CLCA2: variants seen among roughly 807,000 people sequenced by gnomAD.
CLCA2 encodes the protein chloride channel accessory 2.
Under a neutral mutation model 82.9 loss-of-function variants are expected in CLCA2, and 85 were observed. That is an observed-to-expected ratio of 1.03 (90% CI 0.86 to 1.23). The LOEUF (loss-of-function observed/expected upper bound fraction) is 1.23. Ranked by LOEUF, CLCA2 falls within the 50% of genes most tolerant of loss-of-function variation. The pLI is 0.00. For missense variants in CLCA2, 1,089 were observed against 1,124.8 expected (o/e 0.97, Z 0.45); for synonymous variants, 421 against 391.7 (o/e 1.07, Z -0.88).
chr1:86,435,010 G>T (rs1662576697), intron 6 of CLCA2, among the ~76,000 whole-genome samples: 1 of 152,114 alleles, frequency 6.6e-6, no homozygotes, highest in South Asian at 2.1e-4. Flanking sequence ...GCTCACTGCA[G>T]CCTCGACCTC....
chr1:86,434,013 C>A (rs1022736694), intron 5 of CLCA2, among the ~76,000 whole-genome samples: 1 of 150,816 alleles, frequency 6.6e-6, no homozygotes, highest in African/African-American at 2.4e-5. Flanking sequence ...GGTGGGGGAT[C>A]AGGAAGTAAA....
Position 86,447,836 on chromosome 1 carries a change from C to T in CLCA2, c.1984+58C>T, listed in dbSNP as rs529708545. 5.6e-5 allele frequency: 85 copies of T among 1,511,972 alleles called. 1 individual carries two copies. The East Asian group carries it at 1.6e-3, about 29-fold the overall frequency. 93.7% of individuals were successfully genotyped at this position (1,511,972 alleles called of 1,614,324 possible). A position where few individuals can be genotyped will look rare whatever the true frequency, so the allele number is the denominator to read the frequency against. On this transcript the variant is annotated intron_variant, in intron 11 of 13. Transcript: ENST00000370565. ...TCTCAACAGCTGTTGTGATATGATG[C>T]GGTAGTATCAATATTAAGCTTATCT...
In CLCA2 at chr1:86,456,515, T is replaced by A. The variant is rs889599477; in HGVS notation, c.*988T>A. The A allele has an allele frequency of 7.9e-5, 12 of 152,232 alleles. No individual in the cohort carries two copies. Among genetic ancestry groups the A allele is most frequent in the Admixed American group, 4.6e-4 (7 of 15,274 alleles). 9.4% of individuals were successfully genotyped at this position (152,232 alleles called of 1,614,324 possible). A position where few individuals can be genotyped will look rare whatever the true frequency, so the allele number is the denominator to read the frequency against. ...ATTTTACTCCTTCCTCTTATTTTTT[T>A]AAAAGATTATCGAACAATAAAATCA... On this transcript the variant is annotated 3_prime_UTR_variant, in exon 14 of 14. Transcript: ENST00000370565.
At position 86,424,462 on chromosome 1, in the gene CLCA2, G is replaced by A. The variant is rs879141175; in HGVS notation, c.186+29G>A. 3.2e-6 allele frequency: 5 copies of A among 1,580,628 alleles called. No homozygotes were observed. In the Admixed American group the frequency reaches 6.9e-5, roughly 22 times the overall value. ...AGTGGAAATTATGAAATTGATACTA[G>A]CATCCCATTTGATCAGACCTGTAGC... On this transcript the variant is annotated intron_variant, in intron 1 of 13. Transcript: ENST00000370565.
At chr1:86,442,956 C>T (rs1349908450) in intron 9 of CLCA2, among the ~76,000 whole-genome samples, 1 of 152,090 alleles carries the variant, frequency 6.6e-6, no homozygotes, top group Non-Finnish European at 1.5e-5. Context: ...AGCATGGGGC[C>T]AGGCATACGT....
At chr1:86,452,473 C>A (rs542205447) in intron 12 of CLCA2, among the ~76,000 whole-genome samples, 3 of 152,254 alleles carry the variant, frequency 2.0e-5, no homozygotes, top group East Asian at 1.9e-4. Context: ...TTCTTCCCTG[C>A]AGCATGTAAC....
chr1:86,436,215 G>T (rs1359301991), intron 6 of CLCA2, among the ~76,000 whole-genome samples: 1 of 152,162 alleles, frequency 6.6e-6, no homozygotes, highest in South Asian at 2.1e-4. Flanking sequence ...CTGTATGGAT[G>T]TGCTACTACA....
rs1304690644 is a variant in CLCA2 at position 86,431,020 on chromosome 1, T to C, written c.584+50T>C. The C allele has an allele frequency of 4.4e-6, 6 of 1,360,458 alleles. No homozygotes were observed. In the East Asian group the frequency reaches 7.1e-5, roughly 16 times the overall value. The allele number at this position is 1,360,458 out of a possible 1,614,324, so 84.3% of individuals were successfully genotyped here. A position where few individuals can be genotyped will look rare whatever the true frequency, so the allele number is the denominator to read the frequency against. ...ATTCATTATTTATTTGACTCTAAAA[T>C]TGCTTATAACTTAAGCAATTAAATA... On this transcript the variant is annotated intron_variant, in intron 4 of 13. Transcript: ENST00000370565.
At chr1:86,439,618 T>C (rs2101701265) in intron 7 of CLCA2, among the ~76,000 whole-genome samples, 1 of 152,294 alleles carries the variant, frequency 6.6e-6, no homozygotes, top group Non-Finnish European at 1.5e-5. Context: ...GGGATGCTTA[T>C]CTGATAGCAA....
At chr1:86,432,768 C>T (rs972379235) in intron 5 of CLCA2, among the ~76,000 whole-genome samples, 2 of 151,842 alleles carry the variant, frequency 1.3e-5, no homozygotes, top group African/African-American at 4.8e-5. Context: ...ACTCTGGGGA[C>T]CACAAAATAA....
chr1:86,453,970 C>T (rs572245323), intron 13 of CLCA2, among the ~76,000 whole-genome samples: 1 of 152,256 alleles, frequency 6.6e-6, no homozygotes, highest in East Asian at 1.9e-4. Flanking sequence ...TATCAGTAGG[C>T]TTTGGGGAAT....
At position 86,428,560 on chromosome 1, in the gene CLCA2, G is replaced by A; in HGVS notation, c.467G>A (p.Gly156Glu). 1 of 1,613,030 alleles carries A rather than the reference G, an allele frequency of 6.2e-7. No homozygotes were observed. Among genetic ancestry groups the A allele is most frequent in the Non-Finnish European group, 8.5e-7 (1 of 1,179,402 alleles). The stretch of plus-strand genomic sequence containing the variant: ...AATGATAACTTAACAGCTGGCTACG[G>A]ATCACGAGGTAAGTGGGACCAATAA... ...LLNDNLTAGY[G>E]SRGRVFVHEW... The change falls in exon 3 of 14, where the codon GGA becomes GAA. Residue 156 changes from glycine to glutamate, a missense_variant. Gly to Glu is a moderately conservative substitution (Grantham distance 98). Transcript: ENST00000370565.
At chr1:86,427,575 A>AC (rs1558100286) in intron 2 of CLCA2, among the ~76,000 whole-genome samples, 34 of 127,546 alleles carry the variant, frequency 2.7e-4, no homozygotes, top group African/African-American at 8.9e-4. Flanking sequence ...CACACACACA[A>AC]AACACATATA....
At chr1:86,442,600 A>C (rs917068703) in intron 9 of CLCA2, among the ~76,000 whole-genome samples, 4 of 152,204 alleles carry the variant, frequency 2.6e-5, no homozygotes, top group Admixed American at 2.0e-4. Context: ...ATATTTCTTA[A>C]ATTCATTTGA....
At chr1:86,429,605 G>C (rs1662454511) in intron 3 of CLCA2, among the ~76,000 whole-genome samples, 2 of 152,176 alleles carry the variant, frequency 1.3e-5, no homozygotes, top group South Asian at 4.1e-4. Flanking sequence ...CTAGAGACTG[G>C]TATTTAGTGA....
At chr1:86,450,483 T>G in intron 11 of CLCA2, 80 bp from the exon 12 acceptor site, 4 of 1,097,818 alleles carry the variant, frequency 3.6e-6, no homozygotes, top group East Asian at 2.7e-5. Context: ...ATAAGGGGAG[T>G]AAATCTCATT....
chr1:86,455,256 G>A lies in CLCA2; in HGVS notation c.2561G>A (p.Gly854Glu). The A allele has an allele frequency of 6.2e-7, 1 of 1,614,104 alleles. No homozygotes were observed. The highest frequency in any genetic ancestry group is 8.5e-7 in the Non-Finnish European group (1 of 1,180,016). Reference sequence around the variant, plus strand: ...AATGGACCTGAACATCAGCCAAATGGAGAAACACATGAAAGCCACAGAATT... The same window carrying A: ...AATGGACCTGAACATCAGCCAAATGAAGAAACACATGAAAGCCACAGAATT... ...STNGPEHQPNGETHESHRIYV... is the reference protein window; with the variant it reads ...STNGPEHQPNEETHESHRIYV... Residue 854 changes from glycine to glutamate, a missense_variant, in exon 14 of 14, where the codon GGA becomes GAA. By Grantham distance (98) the Gly-to-Glu change is moderately conservative. Coordinates refer to ENST00000370565, the MANE Select transcript of CLCA2 (RefSeq NM_006536.7).
rs1272972749 is a variant in CLCA2, at chr1:86,456,334, C to T, written c.*807C>T. The stretch of plus-strand genomic sequence containing the variant: ...TATTCAATTAAACCAAAGAAGAGGT[C>T]AGCAGGGAGATACTAACCTTTGGAA... On this transcript the variant is annotated 3_prime_UTR_variant, in exon 14 of 14. Coordinates refer to ENST00000370565, the MANE Select transcript of CLCA2 (RefSeq NM_006536.7). The T allele has an allele frequency of 6.6e-6, 1 of 152,092 alleles. No individual in the cohort carries two copies. Among genetic ancestry groups the T allele is most frequent in the Non-Finnish European group, 1.5e-5 (1 of 68,020 alleles). The allele number at this position is 152,092 out of a possible 1,614,324, so 9.4% of individuals were successfully genotyped here. A position where few individuals can be genotyped will look rare whatever the true frequency, so the allele number is the denominator to read the frequency against.
Position 86,428,552 on chromosome 1 carries a change from T to C in CLCA2, c.459T>C (p.Ala153=), listed in dbSNP as rs1243320868. 1 of 1,613,400 alleles carries C rather than the reference T, an allele frequency of 6.2e-7. No homozygotes were observed. Among genetic ancestry groups the C allele is most frequent in the Admixed American group, 1.7e-5 (1 of 59,942 alleles). ...PNFLLNDNLT[A]GYGSRGRVFV... ...TCCTACTGAATGATAACTTAACAGC[T>C]GGCTACGGATCACGAGGTAAGTGGG... The change falls in exon 3 of 14, where the codon GCT becomes GCC. Residue 153 remains alanine, a synonymous_variant. Coordinates refer to ENST00000370565, the MANE Select transcript of CLCA2 (RefSeq NM_006536.7).
Sources: gnomAD v4.1 joint callset for allele counts (sites outside exome capture counted in the v4.1 genomes callset) on GRCh38, gnomAD v4.1.1 for gene constraint, MANE v1.5 for transcripts, NCBI Gene and HGNC (gene_info 2026-07-23, HGNC 2026-07-21) for gene names.